CCZ1B: variants seen among roughly 807,000 people sequenced by gnomAD.
CCZ1B encodes the protein CCZ1B vacuolar protein trafficking and biogenesis associated.
CCZ1B carries 25 observed loss-of-function variants against 58.8 expected under a neutral mutation model. That is an observed-to-expected ratio of 0.43 (90% confidence interval 0.31 to 0.59). The LOEUF is 0.59. Among genes scored for constraint, CCZ1B ranks in the 20% least tolerant of loss-of-function variants. CCZ1B has a pLI of 0.12. For synonymous variants in CCZ1B, 66 were observed against 173.2 expected (o/e 0.38, Z 4.86); for missense variants, 180 against 501.5 (o/e 0.36, Z 6.12).
chr7:6,801,828 C>CAG, intron 12 of CCZ1B, among the ~76,000 whole-genome samples: 1 of 104,674 alleles, frequency 9.6e-6, no homozygotes, highest in Middle Eastern at 5.0e-3. Flanking sequence ...CCCGCCTTGG[C>CAG]CTCCCAAAGT....
rs569912315 is a variant in CCZ1B at position 6,814,826 on chromosome 7, C to T, written c.718G>A (p.Asp240Asn). 5 of 1,606,370 alleles carry T rather than the reference C, an allele frequency of 3.1e-6. No homozygotes were observed. The South Asian group carries it at 5.5e-5, about 18-fold the overall frequency. The change falls in exon 8 of 15, where the codon GAC becomes AAC. Residue 240 changes from aspartate to asparagine, a missense_variant. By Grantham distance (23) the Asp-to-Asn change is conservative. Transcript: ENST00000316731. ...AGGTATTTGTATAAAATTCTCATGTCATCTTGTTCTAATCCACTCCTGCAA... is the reference window on the plus strand; with the variant it reads ...AGGTATTTGTATAAAATTCTCATGTTATCTTGTTCTAATCCACTCCTGCAA... ...QLIWSGLEQD[D>N]MRILYKYLTT...
intron 12 of CCZ1B, among the ~76,000 whole-genome samples, chr7:6,803,888 G>T (rs1782796359): frequency 6.7e-6 from 1 of 149,108 alleles, no homozygotes; most frequent in African/African-American, 2.5e-5. Flanking sequence ...GGCGGAGGTT[G>T]CAGTGAGCTG....
At chr7:6,819,351 T>G (rs1583556050) in intron 7 of CCZ1B, among the ~76,000 whole-genome samples, 2 of 147,508 alleles carry the variant, frequency 1.4e-5, no homozygotes, top group East Asian at 3.9e-4. Context: ...TTCTCCTGCC[T>G]CAGCCTCCTG....
At chr7:6,823,177 G>A (rs1028788212) in intron 5 of CCZ1B, 136 bp downstream of exon 5, 31 of 923,206 alleles carry the variant, frequency 3.4e-5, no homozygotes, top group Admixed American at 3.0e-4. Flanking sequence ...TGTTTCAAAG[G>A]CCTCATTATT....
chr7:6,822,339 G>C lies in CCZ1B; in HGVS notation c.464C>G (p.Ala155Gly), dbSNP rs763562431. ...AAGCTTGACGCCTCCGTCTTCCATGGCTTTCAGAAATGTACCATTAAAAAG... is the reference window on the plus strand; with the variant it reads ...AAGCTTGACGCCTCCGTCTTCCATGCCTTTCAGAAATGTACCATTAAAAAG... ...YKLFNGTFLK[A>G]MEDGGVKLLK... Residue 155 changes from alanine (A) to glycine (G), a missense_variant, in exon 6 of 15, where the codon GCC becomes GGC. Physicochemically the swap from Ala to Gly is moderately conservative, Grantham distance 60. Transcript: ENST00000316731. The C allele has an allele frequency of 1.1e-4, 179 of 1,593,338 alleles. 3 individuals carry two copies. The highest frequency in any genetic ancestry group is 2.9e-4 in the Admixed American group (16 of 54,678).
In CCZ1B at chr7:6,814,490, C is replaced by T. The variant is rs914251251; in HGVS notation, c.780+274G>A. ...CATCCCAGGTGAAAGTTCGAGACTC[C>T]GTCTCAAAAACCAAACAAACAAAAA... On this transcript the variant is annotated intron_variant, in intron 8 of 14. Coordinates refer to ENST00000316731, the MANE Select transcript of CCZ1B (RefSeq NM_198097.5). Among the ~76,000 whole-genome samples, 7 of 149,736 alleles carry T rather than the reference C, an allele frequency of 4.7e-5. No individual in the cohort carries two copies. In the East Asian group the frequency reaches 5.8e-4, roughly 12 times the overall value.
intron 6 of CCZ1B, among the ~76,000 whole-genome samples, chr7:6,821,533 C>G (rs770325906): frequency 6.6e-6 from 1 of 152,282 alleles, no homozygotes; most frequent in Non-Finnish European, 1.5e-5. Context: ...TTTAGAAAGT[C>G]GAATTCAAAA....
chr7:6,819,345 C>T (rs1481682317), intron 7 of CCZ1B, among the ~76,000 whole-genome samples: 1 of 147,206 alleles, frequency 6.8e-6, no homozygotes, highest in Admixed American at 6.8e-5. Flanking sequence ...AAGTGATTCT[C>T]CTGCCTCAGC....
intron 7 of CCZ1B, among the ~76,000 whole-genome samples, chr7:6,819,183 G>GAAAA (rs199671341): frequency 8.6e-6 from 1 of 115,662 alleles, no homozygotes; most frequent in East Asian, 2.4e-4. Flanking sequence ...TATCATTTCA[G>GAAAA]AAAAAAAAAC....
At position 6,819,665 on chromosome 7, in the gene CCZ1B, C is replaced by T. The variant is rs1174917246; in HGVS notation, c.698+101G>A. ...TGAAGATGCTTCCTACCCATCCTCC[C>T]CGCTGCAAGTTCCTGTTTGACAACC... is the stretch of plus-strand genomic sequence containing the variant. On this transcript the variant is annotated intron_variant, in intron 7 of 14. Coordinates refer to ENST00000316731, the MANE Select transcript of CCZ1B (RefSeq NM_198097.5). 1.4e-5 allele frequency: 9 copies of T among 660,248 alleles called. 1 individual carries two copies. Among genetic ancestry groups the T allele is most frequent in the Non-Finnish European group, 2.1e-5 (8 of 386,936 alleles). The allele number at this position is 660,248 out of a possible 1,614,324, so 40.9% of individuals were successfully genotyped here. A position where few individuals can be genotyped will look rare whatever the true frequency, so the allele number is the denominator to read the frequency against.
At chr7:6,812,191 C>A in intron 9 of CCZ1B, 128 bp from the exon 10 acceptor site, 2 of 1,091,572 alleles carry the variant, frequency 1.8e-6, no homozygotes, top group Non-Finnish European at 2.8e-6. Flanking sequence ...TGGCAAACAC[C>A]ATATCAGAAT....
At chr7:6,821,160 C>T (rs1413600734) in intron 6 of CCZ1B, among the ~76,000 whole-genome samples, 1 of 149,440 alleles carries the variant, frequency 6.7e-6, no homozygotes, top group Admixed American at 6.7e-5. Context: ...AGGCGTGCGC[C>T]ACCACGCCCA....
In CCZ1B at chr7:6,804,403, C is replaced by T. The variant is rs546077347; in HGVS notation, c.1106+535G>A. On this transcript the variant is annotated intron_variant, in intron 12 of 14. Coordinates refer to ENST00000316731, the MANE Select transcript of CCZ1B (RefSeq NM_198097.5). Reference sequence around the variant, plus strand: ...AAGCCACTGCACACTCCAGCCTGGGCGACAGAGTGGGAATTTGTCTCAAAA... The same window carrying T: ...AAGCCACTGCACACTCCAGCCTGGGTGACAGAGTGGGAATTTGTCTCAAAA... Among the ~76,000 whole-genome samples, 109 of 126,510 alleles carry T rather than the reference C, an allele frequency of 8.6e-4. 2 individuals are homozygous for T. The highest frequency in any genetic ancestry group is 1.3e-3 in the Admixed American group (15 of 11,262). 83.0% of individuals were successfully genotyped at this position (126,510 alleles called of 152,430 possible). A position where few individuals can be genotyped will look rare whatever the true frequency, so the allele number is the denominator to read the frequency against.
intron 10 of CCZ1B, among the ~76,000 whole-genome samples, chr7:6,810,421 C>T (rs1478595852): frequency 1.3e-4 from 20 of 149,246 alleles, no homozygotes; most frequent in Non-Finnish European, 1.2e-4. Context: ...TCCACTGTCA[C>T]ATAATGTCTG....
Position 6,819,747 on chromosome 7 carries a change from T to C in CCZ1B, c.698+19A>G, listed in dbSNP as rs949287688. ...ATCTTAATTTCTTCTTTTAATACCATGCCTCGGGGTGTACCTACCAGATGA... is the reference window on the plus strand; with the variant it reads ...ATCTTAATTTCTTCTTTTAATACCACGCCTCGGGGTGTACCTACCAGATGA... On this transcript the variant is annotated intron_variant, in intron 7 of 14. Transcript: ENST00000316731. The C allele has an allele frequency of 5.8e-6, 8 of 1,372,454 alleles. No homozygotes were observed. Among genetic ancestry groups the C allele is most frequent in the African/African-American group, 4.7e-5 (3 of 63,392 alleles). 85.0% of individuals were successfully genotyped at this position (1,372,454 alleles called of 1,614,324 possible).
At chr7:6,815,710 AC>A in intron 7 of CCZ1B, among the ~76,000 whole-genome samples, 1 of 149,146 alleles carries the variant, frequency 6.7e-6, no homozygotes, top group South Asian at 2.1e-4. Flanking sequence ...CTTTATCCTG[AC>A]CTGCAAAAGG....
chr7:6,825,318 A>G (rs972005573), intron 1 of CCZ1B, among the ~76,000 whole-genome samples: 8 of 146,732 alleles, frequency 5.5e-5, no homozygotes, highest in Admixed American at 2.7e-4. Flanking sequence ...GCTCACCTGC[A>G]GCCTCAATCA....
chr7:6,814,723 C>A lies in CCZ1B; in HGVS notation c.780+41G>T. On this transcript the variant is annotated intron_variant, in intron 8 of 14. Coordinates refer to ENST00000316731, the MANE Select transcript of CCZ1B (RefSeq NM_198097.5). ...TCTCACTCCACCTGCCCTCTCTGTG[C>A]CCCTGCATGTAATTGTGTGCAGCTA... The A allele has an allele frequency of 5.2e-6, 8 of 1,547,170 alleles. 1 individual carries two copies. The highest frequency in any genetic ancestry group is 7.1e-6 in the Non-Finnish European group (8 of 1,130,700).
intron 9 of CCZ1B, chr7:6,812,384 G>C (rs1391582507): frequency 8.6e-6 from 3 of 349,008 alleles, no homozygotes; most frequent in African/African-American, 7.0e-5. Context: ...AGCTACTAGA[G>C]AGGCTGAGGC....
Sources: gnomAD v4.1 joint callset for allele counts (sites outside exome capture counted in the v4.1 genomes callset) on GRCh38, gnomAD v4.1.1 for gene constraint, MANE v1.5 for transcripts, NCBI Gene and HGNC (gene_info 2026-07-23, HGNC 2026-07-21) for gene names.